The following SDK1 variants were observed in gnomAD, a reference collection of about 807,000 sequenced individuals.
SDK1 encodes protein sidekick-1.
SDK1 carries 157 observed loss-of-function variants against 245.5 expected under a neutral mutation model. That is an observed-to-expected ratio of 0.64 (90% CI 0.56 to 0.73). The LOEUF (loss-of-function observed/expected upper bound fraction) is 0.73. Among genes scored for constraint, SDK1 ranks in the 30% least tolerant of loss-of-function variants. The pLI is 0.00. For missense variants in SDK1, 3,583 were observed against 3,002.3 expected, an observed-to-expected ratio of 1.19 and a Z score of -4.52; for synonymous variants, 1,647 against 1,278.5, an observed-to-expected ratio of 1.29 and a Z score of -6.15.
At chr7:3,666,488 C>T (rs74666375) in intron 4 of SDK1, among the ~76,000 whole-genome samples, 9 of 152,136 alleles carry the variant, frequency 5.9e-5, no homozygotes, top group Non-Finnish European at 1.2e-4. Flanking sequence ...ACCCTGCTGC[C>T]GACACACAGC....
chr7:3,563,425 GAACC>G (rs1779811982), intron 1 of SDK1, among the ~76,000 whole-genome samples: 1 of 152,072 alleles, frequency 6.6e-6, no homozygotes, highest in African/African-American at 2.4e-5. Flanking sequence ...ACACAAATAT[GAACC>G]AACAGAAAGC....
In SDK1 at chr7:4,265,348, G is replaced by T. The variant is rs368037665; in HGVS notation, c.6606G>T (p.Ala2202=). The T allele has an allele frequency of 1.4e-6, 2 of 1,460,882 alleles. No individual in the cohort carries two copies. Among genetic ancestry groups the T allele is most frequent in the Admixed American group, 5.4e-5 (2 of 37,286 alleles). The allele number at this position is 1,460,882 out of a possible 1,614,324, so 90.5% of individuals were successfully genotyped here. ...GGVYTPAGPG[A]RTPLTGFSSF... Reference sequence around the variant, plus strand: ...TCTACACCCCCGCTGGCCCCGGCGCGCGAACTCCGCTCACCGGCTTCTCCT... The same window carrying T: ...TCTACACCCCCGCTGGCCCCGGCGCTCGAACTCCGCTCACCGGCTTCTCCT... Residue 2202 remains alanine (A), a synonymous_variant, in exon 45 of 45, where the codon GCG becomes GCT. Coordinates refer to ENST00000404826, the MANE Select transcript of SDK1 (RefSeq NM_152744.4).
intron 35 of SDK1, among the ~76,000 whole-genome samples, chr7:4,196,657 C>CT (rs79111426): frequency 0.067 from 10,216 of 152,264 alleles, 413 homozygotes; most frequent in Admixed American, 0.091. Context: ...CCCCACAGTG[C>CT]TCTGGGCTCA....
At chr7:4,232,303 A>T in intron 40 of SDK1, among the ~76,000 whole-genome samples, 1 of 150,596 alleles carries the variant, frequency 6.6e-6, no homozygotes, top group East Asian at 1.9e-4. Flanking sequence ...GAGGCTGTCT[A>T]GCTCCAGGCT....
intron 35 of SDK1, among the ~76,000 whole-genome samples, chr7:4,180,799 C>G (rs1214637398): frequency 1.3e-5 from 2 of 152,120 alleles, no homozygotes; most frequent in Non-Finnish European, 2.9e-5. Context: ...GGAGGTGCCA[C>G]ACATTTAATG....
rs574114563 is a variant in SDK1, at chr7:3,600,903, T to G, written c.299-18177T>G. On this transcript the variant is annotated intron_variant, in intron 1 of 44. Coordinates refer to ENST00000404826, the MANE Select transcript of SDK1 (RefSeq NM_152744.4). ...TAAGATTGACAGAACTCCTCTCTAT[T>G]CCTAATTCGGTGAATAGTTTTTAAG... 6.6e-5 allele frequency among the ~76,000 whole-genome samples: 10 copies of G among 152,284 alleles called. No individual in the cohort carries two copies. In the South Asian group the frequency reaches 2.1e-3, roughly 32 times the overall value.
chr7:4,113,000 G>T (rs545297174), intron 23 of SDK1, among the ~76,000 whole-genome samples: 2 of 151,930 alleles, frequency 1.3e-5, no homozygotes, highest in Non-Finnish European at 2.9e-5. Flanking sequence ...GTGATCCCCC[G>T]CTGCCTCCTG....
At chr7:4,011,619 A>G (rs1162637190) in intron 15 of SDK1, among the ~76,000 whole-genome samples, 1 of 152,242 alleles carries the variant, frequency 6.6e-6, no homozygotes, top group African/African-American at 2.4e-5. Flanking sequence ...AAATGGCTTC[A>G]TCACATTTCA....
chr7:3,367,155 A>AT (rs1419694673), intron 1 of SDK1, among the ~76,000 whole-genome samples: 1 of 151,614 alleles, frequency 6.6e-6, no homozygotes, highest in Non-Finnish European at 1.5e-5. Context: ...TATTTTATTT[A>AT]TTTATTTATT....
At chr7:3,645,084 A>G (rs539380744) in intron 4 of SDK1, among the ~76,000 whole-genome samples, 3 of 152,342 alleles carry the variant, frequency 2.0e-5, no homozygotes, top group South Asian at 4.1e-4. Flanking sequence ...TTCTCACTAT[A>G]TGCATGAGAC....
intron 1 of SDK1, among the ~76,000 whole-genome samples, chr7:3,446,947 G>A (rs1026005687): frequency 5.3e-5 from 8 of 151,896 alleles, no homozygotes; most frequent in African/African-American, 1.9e-4. Context: ...CAAGAAAAAG[G>A]TTGAAAAAAA....
At chr7:3,571,771 T>G (rs984923977) in intron 1 of SDK1, among the ~76,000 whole-genome samples, 2 of 152,068 alleles carry the variant, frequency 1.3e-5, no homozygotes, top group Non-Finnish European at 2.9e-5. Flanking sequence ...GGGATTAAAT[T>G]TTTAACTTGG....
chr7:3,863,856 T>A (rs903985825), intron 5 of SDK1, among the ~76,000 whole-genome samples: 3 of 152,258 alleles, frequency 2.0e-5, no homozygotes, highest in Non-Finnish European at 4.4e-5. Context: ...TTGGGTTGTT[T>A]CTGCCTTTTG....
At chr7:3,889,232 C>A (rs1307310138) in intron 5 of SDK1, among the ~76,000 whole-genome samples, 1 of 152,218 alleles carries the variant, frequency 6.6e-6, no homozygotes, top group African/African-American at 2.4e-5. Context: ...CCTAATACTT[C>A]TTTATACTCA....
At chr7:4,168,766 C>A (rs1470978207) in intron 32 of SDK1, among the ~76,000 whole-genome samples, 1 of 152,142 alleles carries the variant, frequency 6.6e-6, no homozygotes, top group Non-Finnish European at 1.5e-5. Flanking sequence ...GACCTCAGGG[C>A]GAGGTTGCTT....
At chr7:3,421,777 T>G (rs1057514866) in intron 1 of SDK1, among the ~76,000 whole-genome samples, 1 of 152,170 alleles carries the variant, frequency 6.6e-6, no homozygotes, top group Admixed American at 6.5e-5. Flanking sequence ...AGATGACATT[T>G]AGAGTACTGT....
At chr7:3,842,108 T>C (rs1056554545) in intron 5 of SDK1, among the ~76,000 whole-genome samples, 25 of 152,314 alleles carry the variant, frequency 1.6e-4, no homozygotes, top group African/African-American at 6.0e-4. Flanking sequence ...GACATGTTGG[T>C]GGCAGCTAAA....
intron 4 of SDK1, among the ~76,000 whole-genome samples, chr7:3,808,243 T>G (rs1345109465): frequency 6.6e-6 from 1 of 152,246 alleles, no homozygotes; most frequent in Middle Eastern, 3.4e-3. Context: ...AGAAGCTTTG[T>G]AGAGAAGAAG....
chr7:4,190,936 C>T (rs578137182), intron 35 of SDK1, among the ~76,000 whole-genome samples: 5 of 152,204 alleles, frequency 3.3e-5, no homozygotes, highest in Non-Finnish European at 5.9e-5. Context: ...CCCACAGGTG[C>T]GAGCCTAGCC....
Sources: gnomAD v4.1 joint callset for allele counts (sites outside exome capture counted in the v4.1 genomes callset) on GRCh38, gnomAD v4.1.1 for gene constraint, MANE v1.5 for transcripts, NCBI Gene and HGNC (gene_info 2026-07-23, HGNC 2026-07-21) for gene names.